The following TCF12 variants were observed in gnomAD, a reference collection of about 807,000 sequenced individuals.
TCF12 encodes the protein DNA-binding protein HTF4.
In TCF12, 45 loss-of-function variants were observed where a neutral mutation model predicts 86.0. The ratio of observed to expected loss-of-function variants is 0.52; its 90% CI spans 0.41 to 0.67. The LOEUF is 0.67. TCF12 is among the 30% of genes least tolerant of loss of function. The pLI is 0.00. For missense variants in TCF12, 881 were observed against 859.9 expected (o/e 1.02, Z -0.31); for synonymous variants, 330 against 299.6 (o/e 1.10, Z -1.05).
At position 57,094,227 on chromosome 15, in the gene TCF12, G is replaced by A. The variant is rs139532743; in HGVS notation, c.325+2336G>A. On this transcript the variant is annotated intron_variant, in intron 5 of 20. Transcript: ENST00000333725. ...TATTTGTGAGTTTTAACTACCTAAT[G>A]TAAAAATGTTTACTTATACATAAAA... Among the ~76,000 whole-genome samples the A allele has an allele frequency of 1.6e-3, 240 of 152,246 alleles. 1 individual carries two copies. The highest frequency in any genetic ancestry group is 5.5e-3 in the African/African-American group (230 of 41,538).
chr15:57,056,296 A>G (rs1878892846), intron 3 of TCF12, among the ~76,000 whole-genome samples: 1 of 151,798 alleles, frequency 6.6e-6, no homozygotes, highest in Admixed American at 6.6e-5. Flanking sequence ...GCCCACCACC[A>G]TTCCCAGCTA....
rs2057590869 is a variant in TCF12 at position 57,202,459 on chromosome 15, A to G, written c.579+4634A>G. Among the ~76,000 whole-genome samples, 3 of 134,722 alleles carry G rather than the reference A, an allele frequency of 2.2e-5. No individual in the cohort carries two copies. The South Asian group carries it at 7.2e-4, about 32-fold the overall frequency. The allele number at this position is 134,722 out of a possible 152,430, so 88.4% of individuals were successfully genotyped here. On this transcript the variant is annotated intron_variant, in intron 8 of 20. Transcript: ENST00000333725. ...CAGCTTTTTTTTTTTTTTTTGAGAC[A>G]GAGTCTTGCTCTGTCTCCCAGGCTA...
At position 56,954,821 on chromosome 15, in the gene TCF12, CTCA is replaced by C. The variant is rs2061430502; in HGVS notation, c.148+33730_148+33732del. Among the ~76,000 whole-genome samples the C allele has an allele frequency of 2.0e-5, 3 of 152,182 alleles. 1 individual carries two copies. The South Asian group carries it at 6.2e-4, about 32-fold the overall frequency. On this transcript the variant is annotated intron_variant, in intron 3 of 20. Coordinates refer to ENST00000333725, the MANE Select transcript of TCF12 (RefSeq NM_207037.2). Reference sequence around the variant, plus strand: ...CAGCTAACAGACACATGAAAAAATGCTCATCATCACTAGTCATCAGAGAACTGA... The same window carrying C: ...CAGCTAACAGACACATGAAAAAATGCTCATCACTAGTCATCAGAGAACTGA...
chr15:56,972,528 A>G (rs1567186766), intron 3 of TCF12, among the ~76,000 whole-genome samples: 2 of 152,190 alleles, frequency 1.3e-5, no homozygotes, highest in Non-Finnish European at 2.9e-5. Flanking sequence ...AAGAGCATCT[A>G]TACCACACTT....
intron 5 of TCF12, among the ~76,000 whole-genome samples, chr15:57,139,680 A>G (rs1156957946): frequency 1.3e-5 from 2 of 152,226 alleles, no homozygotes; most frequent in Admixed American, 6.5e-5. Flanking sequence ...TTAGAGCATT[A>G]TAGCTGTGGC....
chr15:56,924,770 C>T (rs1426262433), intron 3 of TCF12, among the ~76,000 whole-genome samples: 1 of 152,140 alleles, frequency 6.6e-6, no homozygotes, highest in African/African-American at 2.4e-5. Flanking sequence ...TTAAGTTGCT[C>T]ATTTAAGGTA....
chr15:57,278,534 T>C (rs1009512706), intron 19 of TCF12: 15 of 67,508 alleles, frequency 2.2e-4, no homozygotes, highest in African/African-American at 4.2e-4. Context: ...GAGCAATCAC[T>C]GTAAAAAAAA....
chr15:57,098,009 CAAAAAAAAAAAAA>C (rs72046243), intron 5 of TCF12, among the ~76,000 whole-genome samples: 3 of 48,414 alleles, frequency 6.2e-5, no homozygotes, highest in African/African-American at 9.4e-5. Flanking sequence ...TACAAAAATA[CAAAAAAAAAAAAA>C]AAAAAAAAAA....
intron 8 of TCF12, among the ~76,000 whole-genome samples, chr15:57,230,285 A>G (rs1268981307): frequency 6.6e-6 from 1 of 151,974 alleles, no homozygotes; most frequent in Admixed American, 6.6e-5. Context: ...TACACTGCTC[A>G]TAATAGCTTA....
At chr15:57,002,884 G>A (rs2064135016) in intron 3 of TCF12, among the ~76,000 whole-genome samples, 1 of 152,190 alleles carries the variant, frequency 6.6e-6, no homozygotes, top group Non-Finnish European at 1.5e-5. Context: ...CAGATGATAT[G>A]AATTCTGTAT....
chr15:57,044,905 C>T (rs1412138683), intron 3 of TCF12, among the ~76,000 whole-genome samples: 1 of 152,088 alleles, frequency 6.6e-6, no homozygotes, highest in Non-Finnish European at 1.5e-5. Flanking sequence ...GTTTGTGGTA[C>T]TGATGAACCT....
intron 5 of TCF12, among the ~76,000 whole-genome samples, chr15:57,104,989 T>A (rs1444163821): frequency 6.8e-6 from 1 of 147,790 alleles, no homozygotes; most frequent in Non-Finnish European, 1.5e-5. Context: ...TTCTCCTGCC[T>A]CAGCCTCCCA....
chr15:57,141,580 C>G (rs536449673), intron 5 of TCF12, among the ~76,000 whole-genome samples: 1 of 152,278 alleles, frequency 6.6e-6, no homozygotes, highest in East Asian at 1.9e-4. Flanking sequence ...AACTCCCGAC[C>G]TCACGTGATC....
chr15:57,160,648 T>C (rs2054437558), intron 5 of TCF12, among the ~76,000 whole-genome samples: 1 of 152,182 alleles, frequency 6.6e-6, no homozygotes, highest in Non-Finnish European at 1.5e-5. Flanking sequence ...TTTCATTGTT[T>C]GGCACCTATT....
chr15:57,002,261 A>G (rs763894521), intron 3 of TCF12, among the ~76,000 whole-genome samples: 2 of 152,182 alleles, frequency 1.3e-5, no homozygotes, highest in African/African-American at 2.4e-5. Context: ...CACATGCCCC[A>G]TGAGAAAACA....
At chr15:57,035,175 GTAATTT>G (rs1327987676) in intron 3 of TCF12, among the ~76,000 whole-genome samples, 2 of 152,138 alleles carry the variant, frequency 1.3e-5, no homozygotes, top group East Asian at 3.8e-4. Flanking sequence ...TTGGGAATCA[GTAATTT>G]GTACAAAGTT....
At chr15:57,266,086 ATTATTTAT>A (rs60211131) in intron 18 of TCF12, among the ~76,000 whole-genome samples, 35,272 of 109,812 alleles carry the variant, frequency 0.32, 5,104 homozygotes, top group Admixed American at 0.43. Context: ...TTTTGTTTTT[ATTATTTAT>A]TTATTTATTT....
At chr15:57,016,872 A>G (rs145450500) in intron 3 of TCF12, among the ~76,000 whole-genome samples, 1 of 152,276 alleles carries the variant, frequency 6.6e-6, no homozygotes, top group East Asian at 1.9e-4. Context: ...CTCCAGAGCA[A>G]AAGTCAGCCA....
chr15:57,040,939 A>G (rs1056044528), intron 3 of TCF12, among the ~76,000 whole-genome samples: 1 of 152,196 alleles, frequency 6.6e-6, no homozygotes, highest in African/African-American at 2.4e-5. Context: ...ACATTTCCTC[A>G]TAGTGTTCTG....
Sources: gnomAD v4.1 joint callset for allele counts (sites outside exome capture counted in the v4.1 genomes callset) on GRCh38, gnomAD v4.1.1 for gene constraint, MANE v1.5 for transcripts, NCBI Gene and HGNC (gene_info 2026-07-23, HGNC 2026-07-21) for gene names.